Variants in KIAA1328 observed in about 807,000 individuals in gnomAD.
The protein encoded by KIAA1328 is protein hinderin.
In KIAA1328, 52 loss-of-function variants were observed where a neutral mutation model predicts 68.1. That is an observed-to-expected ratio of 0.76 (90% CI 0.61 to 0.96). KIAA1328 has a LOEUF of 0.96. Among genes scored for constraint, KIAA1328 ranks in the 40% least tolerant of loss-of-function variants. The pLI, the probability that KIAA1328 is intolerant of heterozygous loss-of-function variation, is 0.00. For missense variants in KIAA1328, 641 were observed against 677.6 expected (o/e 0.95, Z 0.60); for synonymous variants, 232 against 239.4 (o/e 0.97, Z 0.28).
At chr18:36,997,449 G>A (rs1221160886) in intron 6 of KIAA1328, among the ~76,000 whole-genome samples, 2 of 152,140 alleles carry the variant, frequency 1.3e-5, no homozygotes, top group Non-Finnish European at 2.9e-5. Flanking sequence ...ACTCTAGTCT[G>A]GAATTGTGCA....
intron 6 of KIAA1328, among the ~76,000 whole-genome samples, chr18:37,018,718 A>G (rs2054235439): frequency 6.6e-6 from 1 of 152,104 alleles, no homozygotes; most frequent in African/African-American, 2.4e-5. Context: ...AGTCCAGTCT[A>G]TTGATAAAGC....
chr18:37,142,046 A>G (rs2058776381), intron 7 of KIAA1328, among the ~76,000 whole-genome samples: 1 of 152,176 alleles, frequency 6.6e-6, no homozygotes, highest in South Asian at 2.1e-4. Context: ...GGAATTTTTA[A>G]TATTGATGAA....
At position 36,835,290 on chromosome 18, in the gene KIAA1328, G is replaced by A. The variant is rs764383419; in HGVS notation, c.151G>A (p.Asp51Asn). The A allele has an allele frequency of 1.9e-6, 3 of 1,613,596 alleles. No homozygotes were observed. The highest frequency in any genetic ancestry group is 2.2e-5 in the South Asian group (2 of 91,066). Residue 51 changes from aspartate (D) to asparagine (N), a missense_variant, in exon 3 of 10, where the codon GAT (aspartate) becomes AAT (asparagine). Physicochemically the swap from Asp to Asn is conservative, Grantham distance 23. Transcript: ENST00000280020. ...ACACAAGCTGATGAGTCCAAAAGCTGATGTTAAACTTAAGACTTCCAGGGT... is the reference window on the plus strand; with the variant it reads ...ACACAAGCTGATGAGTCCAAAAGCTAATGTTAAACTTAAGACTTCCAGGGT... ...SRHKLMSPKA[D>N]VKLKTSRVTD...
At chr18:37,055,067 A>G (rs2055856821) in intron 6 of KIAA1328, among the ~76,000 whole-genome samples, 1 of 152,156 alleles carries the variant, frequency 6.6e-6, no homozygotes, top group East Asian at 1.9e-4. Flanking sequence ...GGGAACTAGA[A>G]TAAGTTATGA....
At chr18:37,099,602 A>G (rs2057534129) in intron 7 of KIAA1328, among the ~76,000 whole-genome samples, 2 of 152,180 alleles carry the variant, frequency 1.3e-5, no homozygotes, top group African/African-American at 2.4e-5. Flanking sequence ...TGCTTGGTGC[A>G]GAGCTGAGTT....
intron 9 of KIAA1328, among the ~76,000 whole-genome samples, chr18:37,218,668 C>A (rs547102893): frequency 6.6e-6 from 1 of 152,334 alleles, no homozygotes; most frequent in Admixed American, 6.5e-5. Flanking sequence ...TCCATCAGGT[C>A]ATTTAAGGTC....
chr18:37,059,837 C>T (rs1236880860), intron 6 of KIAA1328, among the ~76,000 whole-genome samples: 1 of 152,132 alleles, frequency 6.6e-6, no homozygotes, highest in African/African-American at 2.4e-5. Context: ...GGCACATATA[C>T]ACCATGGAAT....
chr18:36,885,711 G>T, intron 5 of KIAA1328, 39 bp downstream of exon 5: 1 of 1,283,118 alleles, frequency 7.8e-7, no homozygotes, highest in Non-Finnish European at 1.1e-6. Flanking sequence ...CGTTCAAGAA[G>T]TTTGACTATT....
chr18:36,849,659 A>G (rs560421533), intron 4 of KIAA1328, among the ~76,000 whole-genome samples: 1 of 152,174 alleles, frequency 6.6e-6, no homozygotes, highest in African/African-American at 2.4e-5. Context: ...TCTTTTGGCT[A>G]TTTAAACTAC....
intron 5 of KIAA1328, among the ~76,000 whole-genome samples, chr18:36,935,652 G>A (rs1296406999): frequency 1.3e-5 from 2 of 152,012 alleles, no homozygotes; most frequent in Admixed American, 6.6e-5. Context: ...TCATACAGAC[G>A]TATTTGTGAG....
intron 9 of KIAA1328, among the ~76,000 whole-genome samples, chr18:37,185,940 G>A (rs911059331): frequency 4.6e-5 from 7 of 151,782 alleles, no homozygotes; most frequent in Non-Finnish European, 7.4e-5. Context: ...TCGTTAAACA[G>A]TTATATTTGA....
chr18:36,862,694 T>C (rs1217525253), intron 4 of KIAA1328, among the ~76,000 whole-genome samples: 1 of 152,206 alleles, frequency 6.6e-6, no homozygotes, highest in Non-Finnish European at 1.5e-5. Flanking sequence ...CATCACATTT[T>C]AATTTCTTTG....
At chr18:37,124,007 C>A (rs1250718145) in intron 7 of KIAA1328, among the ~76,000 whole-genome samples, 1 of 152,072 alleles carries the variant, frequency 6.6e-6, no homozygotes, top group Non-Finnish European at 1.5e-5. Context: ...GAGAGAGATT[C>A]TGTATACTAT....
chr18:37,092,510 A>T (rs1424887293), intron 7 of KIAA1328, among the ~76,000 whole-genome samples: 2 of 151,938 alleles, frequency 1.3e-5, no homozygotes, highest in South Asian at 2.1e-4. Flanking sequence ...GCCACGACTG[A>T]TGCCCATGCA....
At chr18:37,188,287 A>C (rs990039082) in intron 9 of KIAA1328, among the ~76,000 whole-genome samples, 3 of 152,106 alleles carry the variant, frequency 2.0e-5, no homozygotes, top group Non-Finnish European at 4.4e-5. Flanking sequence ...CTGCCTCTAA[A>C]ATAAAACTTC....
At chr18:36,961,418 C>T (rs995670351) in intron 6 of KIAA1328, among the ~76,000 whole-genome samples, 1 of 152,102 alleles carries the variant, frequency 6.6e-6, no homozygotes, top group African/African-American at 2.4e-5. Context: ...GAGAACTTCC[C>T]CAACCAAGCA....
chr18:36,880,977 T>G (rs1474719962), intron 4 of KIAA1328, among the ~76,000 whole-genome samples: 1 of 152,162 alleles, frequency 6.6e-6, no homozygotes, highest in South Asian at 2.1e-4. Flanking sequence ...TGAATTGTTT[T>G]TTAGAATTTT....
chr18:37,138,993 G>T (rs1292489179), intron 7 of KIAA1328, among the ~76,000 whole-genome samples: 1 of 114,974 alleles, frequency 8.7e-6, no homozygotes, highest in Non-Finnish European at 1.6e-5. Context: ...GTCTCGCTGT[G>T]TCGCCCAGGC....
In KIAA1328 at chr18:37,223,947, T is replaced by G. The variant is rs2060606450; in HGVS notation, c.*1720T>G. On this transcript the variant is annotated 3_prime_UTR_variant, in exon 10 of 10. Transcript: ENST00000280020. ...ATTCCCTTAAAAAGTTGGAAAATCA[T>G]TACAGATTAAAATTTCTTTATAAAG... The G allele has an allele frequency of 2.0e-6, 2 of 985,002 alleles. No individual in the cohort carries two copies. The highest frequency in any genetic ancestry group is 2.4e-6 in the Non-Finnish European group (2 of 829,670). The allele number at this position is 985,002 out of a possible 1,614,324, so 61.0% of individuals were successfully genotyped here.
Sources: allele counts gnomAD v4.1 joint callset (sites outside exome capture counted in the v4.1 genomes callset), GRCh38; gene constraint gnomAD v4.1.1; transcripts MANE v1.5; gene names NCBI Gene and HGNC (gene_info 2026-07-23, HGNC 2026-07-21).